MAST4: variants seen among roughly 807,000 people sequenced by gnomAD.
The protein encoded by MAST4 is microtubule associated serine/threonine kinase family member 4.
MAST4 carries 89 observed loss-of-function variants against 162.7 expected under a neutral mutation model. That is an observed-to-expected ratio of 0.55 (90% confidence interval 0.46 to 0.65). MAST4 has a LOEUF of 0.65. Among genes scored for constraint, MAST4 ranks in the 30% least tolerant of loss-of-function variants. The pLI is 0.00. For missense variants in MAST4, 3,153 were observed against 3,374.0 expected (o/e 0.93, Z 1.62); for synonymous variants, 1,479 against 1,361.1 (o/e 1.09, Z -1.91).
intron 4 of MAST4, among the ~76,000 whole-genome samples, chr5:66,957,795 C>T (rs954638594): frequency 4.6e-5 from 7 of 152,114 alleles, no homozygotes; most frequent in Admixed American, 2.6e-4. Context: ...AGGGAGACTT[C>T]GTGAAAATGA....
intron 1 of MAST4, among the ~76,000 whole-genome samples, chr5:66,731,546 A>G (rs1051664166): frequency 5.9e-5 from 9 of 152,314 alleles, no homozygotes; most frequent in African/African-American, 2.2e-4. Flanking sequence ...CAGCTTTTCT[A>G]TGGCATTTAA....
chr5:66,837,882 ATATATATATATATTTTTTT>A (rs1373067352), intron 3 of MAST4, among the ~76,000 whole-genome samples: 3 of 61,882 alleles, frequency 4.8e-5, no homozygotes, highest in East Asian at 7.1e-4. Context: ...ATATATATAT[ATATATATATATATTTTTTT>A]TTTTTTTTTT....
intron 1 of MAST4, among the ~76,000 whole-genome samples, chr5:66,759,434 A>G (rs951134798): frequency 6.6e-6 from 1 of 152,214 alleles, no homozygotes; most frequent in Non-Finnish European, 1.5e-5. Flanking sequence ...CACCAGTCAC[A>G]ATCTACCAAA....
chr5:66,869,129 T>TAGTA (rs1760744164), intron 3 of MAST4, among the ~76,000 whole-genome samples: 1 of 152,182 alleles, frequency 6.6e-6, no homozygotes, highest in African/African-American at 2.4e-5. Context: ...TAGGGAAGGT[T>TAGTA]AGTAAGGGCG....
chr5:67,102,479 G>A (rs1168388920), intron 8 of MAST4, 57 bp from the exon 9 acceptor site: 2 of 1,454,444 alleles, frequency 1.4e-6, no homozygotes, highest in African/African-American at 1.4e-5. Context: ...TAAATAAAAA[G>A]CTTATTTTCA....
chr5:67,124,721 C>T (rs1003609968), intron 14 of MAST4, among the ~76,000 whole-genome samples: 6 of 152,066 alleles, frequency 3.9e-5, no homozygotes, highest in African/African-American at 9.7e-5. Context: ...TGGTTTAGGT[C>T]GGTTTTCCCA....
At position 66,883,482 on chromosome 5, in the gene MAST4, G is replaced by A. The variant is rs1045730691; in HGVS notation, c.643-16469G>A. ...CTCCCTCTGTTGCCCAGGCTGGAGTGCAGTGGCGTGATCTCGGCTCACTGC... is the reference window on the plus strand; with the variant it reads ...CTCCCTCTGTTGCCCAGGCTGGAGTACAGTGGCGTGATCTCGGCTCACTGC... On this transcript the variant is annotated intron_variant, in intron 3 of 28. Coordinates refer to ENST00000403625, the MANE Select transcript of MAST4 (RefSeq NM_001164664.2). Among the ~76,000 whole-genome samples, 30 of 145,270 alleles carry A rather than the reference G, an allele frequency of 2.1e-4. No individual in the cohort carries two copies. In the East Asian group the frequency reaches 6.2e-3, roughly 30 times the overall value.
intron 4 of MAST4, among the ~76,000 whole-genome samples, chr5:66,928,296 C>A (rs948180042): frequency 1.3e-5 from 2 of 152,208 alleles, no homozygotes; most frequent in African/African-American, 4.8e-5. Context: ...TCTTTTCTTA[C>A]TGAGTTCTTC....
intron 4 of MAST4, among the ~76,000 whole-genome samples, chr5:67,007,297 A>G (rs1235763974): frequency 1.3e-5 from 2 of 152,104 alleles, no homozygotes; most frequent in Non-Finnish European, 2.9e-5. Context: ...CGGGCTGAGT[A>G]GTTTTTCTCC....
intron 1 of MAST4, among the ~76,000 whole-genome samples, chr5:66,743,708 C>G (rs1201347795): frequency 6.6e-6 from 1 of 152,172 alleles, no homozygotes; most frequent in Non-Finnish European, 1.5e-5. Context: ...GATAGCAGGG[C>G]AGAAACCCAG....
chr5:66,960,526 A>G (rs1745884972), intron 4 of MAST4, among the ~76,000 whole-genome samples: 1 of 150,842 alleles, frequency 6.6e-6, no homozygotes, highest in Admixed American at 6.6e-5. Context: ...GGAATATTTT[A>G]GTGGCATGCA....
rs1379393920 is a variant in MAST4, at chr5:66,907,172, A to C, written c.674+7190A>C. Among the ~76,000 whole-genome samples, 6 of 115,512 alleles carry C rather than the reference A, an allele frequency of 5.2e-5. 1 individual carries two copies. The highest frequency in any genetic ancestry group is 2.2e-4 in the African/African-American group (6 of 26,760). The allele number at this position is 115,512 out of a possible 152,430, so 75.8% of individuals were successfully genotyped here. On this transcript the variant is annotated intron_variant, in intron 4 of 28. Coordinates refer to ENST00000403625, the MANE Select transcript of MAST4 (RefSeq NM_001164664.2). ...TCTCAGCAAAGCGAGAGAGAGAGAG[A>C]GAGAGAGAGAGAGAGAGAGAGAGAG...
At chr5:67,152,614 G>C (rs751366424) in intron 24 of MAST4, 23 bp from the exon 25 acceptor site, 2 of 1,605,504 alleles carry the variant, frequency 1.2e-6, no homozygotes, top group Non-Finnish European at 1.7e-6. Context: ...CATGGGCTTT[G>C]ATGACTGGCT....
intron 4 of MAST4, among the ~76,000 whole-genome samples, chr5:67,022,875 G>C (rs1000970955): frequency 2.9e-5 from 4 of 138,932 alleles, no homozygotes; most frequent in Admixed American, 2.8e-4. Context: ...AGCAACAGTA[G>C]CTTTTTTTTT....
chr5:67,049,025 A>ACG (rs1757764512), intron 4 of MAST4, among the ~76,000 whole-genome samples: 9 of 69,080 alleles, frequency 1.3e-4, no homozygotes, highest in Admixed American at 5.0e-4. Context: ...ATATATACGT[A>ACG]TATATATATA....
intron 4 of MAST4, among the ~76,000 whole-genome samples, chr5:67,011,392 C>G (rs973244277): frequency 2.0e-5 from 3 of 152,226 alleles, no homozygotes; most frequent in African/African-American, 7.2e-5. Flanking sequence ...TAGTTGCTTC[C>G]TTTCATCCTT....
chr5:67,126,723 G>A (rs1472155804), intron 14 of MAST4, among the ~76,000 whole-genome samples: 1 of 152,144 alleles, frequency 6.6e-6, no homozygotes, highest in Non-Finnish European at 1.5e-5. Context: ...TCTTGGCTAT[G>A]CAGGCTCTTT....
rs1774073324 is a variant in MAST4, at chr5:67,166,841, T to A, written c.7662T>A (p.Thr2554=). 1.2e-6 allele frequency: 2 copies of A among 1,602,922 alleles called. No individual in the cohort carries two copies. Among genetic ancestry groups the A allele is most frequent in the South Asian group, 2.2e-5 (2 of 89,076 alleles). ...ASHRDRALSV[T]ATVGETKGKD... is the part of the protein sequence containing the mutation. ...ACCGGGACAGGGCTCTCTCGGTGACTGCCACCGTAGGGGAAACCAAAGGGA... is the reference window on the plus strand; with the variant it reads ...ACCGGGACAGGGCTCTCTCGGTGACAGCCACCGTAGGGGAAACCAAAGGGA... Residue 2554 remains threonine, a synonymous_variant, in exon 29 of 29, where the codon ACT becomes ACA. Coordinates refer to ENST00000403625, the MANE Select transcript of MAST4 (RefSeq NM_001164664.2).
intron 4 of MAST4, among the ~76,000 whole-genome samples, chr5:67,039,492 T>G (rs947813734): frequency 2.6e-5 from 4 of 152,170 alleles, no homozygotes; most frequent in Non-Finnish European, 4.4e-5. Context: ...CTGGTGAATA[T>G]GGTGAGGAGG....
Sources: gnomAD v4.1 joint callset for allele counts (sites outside exome capture counted in the v4.1 genomes callset) on GRCh38, gnomAD v4.1.1 for gene constraint, MANE v1.5 for transcripts, NCBI Gene and HGNC (gene_info 2026-07-23, HGNC 2026-07-21) for gene names.